The following CNOT2 variants were observed in gnomAD, a reference collection of about 807,000 sequenced individuals.
The protein encoded by CNOT2 is CCR4-NOT transcription complex subunit 2.
CNOT2 carries 7 observed loss-of-function variants against 72.1 expected under a neutral mutation model. The observed-to-expected ratio is 0.10, with a 90% CI of 0.06 to 0.18. The LOEUF (loss-of-function observed/expected upper bound fraction) is 0.18, where lower values mean the gene tolerates loss of function less well. Ranked by LOEUF, CNOT2 falls within the 10% of genes least tolerant of loss-of-function variation. The probability of loss-of-function intolerance (pLI) is 1.00; values close to 1 mark genes in which losing one functional copy is unlikely to be tolerated. For synonymous variants in CNOT2, 196 were observed against 225.6 expected (o/e 0.87, Z 1.17); for missense variants, 345 against 660.3 (o/e 0.52, Z 5.23).
At chr12:70,311,122 A>G in intron 3 of CNOT2, 105 bp downstream of exon 3, 1 of 771,226 alleles carries the variant, frequency 1.3e-6, no homozygotes, top group East Asian at 2.5e-5. Context: ...GTTGAGTGAC[A>G]ATCTTTTCAG....
intron 1 of CNOT2, among the ~76,000 whole-genome samples, chr12:70,270,548 G>A (rs1024157637): frequency 2.6e-5 from 4 of 151,842 alleles, no homozygotes; most frequent in Non-Finnish European, 5.9e-5. Flanking sequence ...TTTTTATAGG[G>A]CTTTTTAGTT....
Position 70,329,477 on chromosome 12 carries a change from G to T in CNOT2, c.293G>T (p.Arg98Leu), listed in dbSNP as rs149160972. Reference sequence around the variant, plus strand: ...AGCAACAATACCCCTCAGTTAAATCGCAGCTTATCACAAGGCACTCAGTTA... The same window carrying T: ...AGCAACAATACCCCTCAGTTAAATCTCAGCTTATCACAAGGCACTCAGTTA... The part of the protein sequence containing the change: ...GMSNNTPQLN[R>L]SLSQGTQLPS... Residue 98 changes from arginine to leucine, a missense_variant, in exon 5 of 16, where the codon CGC becomes CTC. This residue lies in a region of CNOT2 where 157 missense variants were observed against 235.3 expected (regional missense o/e 0.67). Transcript: ENST00000229195. 2 of 1,611,392 alleles carry T rather than the reference G, an allele frequency of 1.2e-6. No homozygotes were observed. Among genetic ancestry groups the T allele is most frequent in the East Asian group, 2.2e-5 (1 of 44,782 alleles).
intron 2 of CNOT2, among the ~76,000 whole-genome samples, chr12:70,284,152 G>C (rs926867668): frequency 1.1e-4 from 17 of 151,612 alleles, no homozygotes; most frequent in African/African-American, 3.9e-4. Flanking sequence ...CTCCATGTTG[G>C]TCAGGCTGGT....
intron 1 of CNOT2, among the ~76,000 whole-genome samples, chr12:70,270,411 A>G (rs1348973791): frequency 6.6e-6 from 1 of 152,102 alleles, no homozygotes; most frequent in African/African-American, 2.4e-5. Flanking sequence ...AACAACACAT[A>G]TTGAGGTTAA....
Position 70,346,235 on chromosome 12 carries a change from C to T in CNOT2, c.1447C>T (p.Pro483Ser). The change falls in exon 15 of 16, where the codon CCA becomes TCA. Residue 483 changes from proline (P) to serine (S), a missense_variant. Coordinates refer to ENST00000229195, the MANE Select transcript of CNOT2 (RefSeq NM_014515.7). ...AGAACGAGTATGGATTACCAGGGCA[C>T]CAGGCATGGAGCCAACAATGAAAAC... Reference protein sequence around the residue: ...KEERVWITRAPGMEPTMKTNT... With the variant: ...KEERVWITRASGMEPTMKTNT... The T allele has an allele frequency of 6.2e-7, 1 of 1,608,808 alleles. No individual in the cohort carries two copies. The highest frequency in any genetic ancestry group is 8.5e-7 in the Non-Finnish European group (1 of 1,175,380).
chr12:70,339,551 C>G (rs147381213), intron 11 of CNOT2, among the ~76,000 whole-genome samples: 140 of 152,220 alleles, frequency 9.2e-4, no homozygotes, highest in South Asian at 1.4e-3. Flanking sequence ...CTATTTCATT[C>G]CTGACCTGTG....
chr12:70,253,178 G>A (rs192861891), intron 1 of CNOT2, among the ~76,000 whole-genome samples: 56 of 152,260 alleles, frequency 3.7e-4, no homozygotes, highest in Non-Finnish European at 7.4e-5. Context: ...GTGTTAAGTG[G>A]GATAAATCTA....
chr12:70,304,346 G>T (rs556962054), intron 2 of CNOT2, among the ~76,000 whole-genome samples: 1 of 152,122 alleles, frequency 6.6e-6, no homozygotes, highest in Non-Finnish European at 1.5e-5. Context: ...TCTACCTTTG[G>T]TCTTTGATGA....
chr12:70,337,108 TAATA>T (rs1880808648), intron 8 of CNOT2: 1 of 208,274 alleles, frequency 4.8e-6, no homozygotes, highest in African/African-American at 2.3e-5. Context: ...CCAAAATTGT[TAATA>T]ATTAATCCAA....
intron 1 of CNOT2, among the ~76,000 whole-genome samples, chr12:70,271,992 A>G (rs570293811): frequency 2.0e-5 from 3 of 152,322 alleles, no homozygotes; most frequent in African/African-American, 7.2e-5. Context: ...TCAAGGGGGA[A>G]TAAATGTCCA....
chr12:70,257,110 A>G (rs1958493142), intron 1 of CNOT2, among the ~76,000 whole-genome samples: 1 of 152,202 alleles, frequency 6.6e-6, no homozygotes, highest in Admixed American at 6.5e-5. Flanking sequence ...ATTTCTTTAG[A>G]AGAAATTTCT....
At chr12:70,344,602 A>G (rs780797696) in intron 14 of CNOT2, 21 of 170,348 alleles carry the variant, frequency 1.2e-4, no homozygotes, top group Non-Finnish European at 2.0e-4. Flanking sequence ...GCACACATCT[A>G]TATAGTCCTA....
intron 1 of CNOT2, among the ~76,000 whole-genome samples, chr12:70,256,647 G>T (rs1278434280): frequency 1.3e-5 from 2 of 151,044 alleles, no homozygotes; most frequent in East Asian, 1.9e-4. Flanking sequence ...AGAAAGGTTG[G>T]TGAGAGAAGA....
At chr12:70,340,933 TCGCCCAGGC>T (rs1881418638) in intron 11 of CNOT2, among the ~76,000 whole-genome samples, 1 of 141,266 alleles carries the variant, frequency 7.1e-6, no homozygotes. Context: ...ATTGCTCTTG[TCGCCCAGGC>T]TGGAGTGCAG....
chr12:70,315,967 G>A (rs1020079583), intron 3 of CNOT2, among the ~76,000 whole-genome samples: 3 of 152,098 alleles, frequency 2.0e-5, no homozygotes, highest in Non-Finnish European at 4.4e-5. Flanking sequence ...CTATTAATGA[G>A]AGTTCTGCAA....
rs1328713194 is a variant in CNOT2 at position 70,345,086 on chromosome 12, G to A, written c.1391+858G>A. The A allele has an allele frequency of 2.6e-5, 4 of 152,066 alleles. No homozygotes were observed. The East Asian group carries it at 7.7e-4, about 29-fold the overall frequency. 9.4% of individuals were successfully genotyped at this position (152,066 alleles called of 1,614,324 possible). ...TATTTACCTGATGCTCTAAAATTAA[G>A]TTTTCTGTCGTTACTCAAATGTACA... is the stretch of plus-strand genomic sequence containing the variant. On this transcript the variant is annotated intron_variant, in intron 14 of 15. Transcript: ENST00000229195.
chr12:70,324,752 A>G (rs1565813265), intron 4 of CNOT2, among the ~76,000 whole-genome samples: 1 of 151,860 alleles, frequency 6.6e-6, no homozygotes, highest in South Asian at 2.1e-4. Flanking sequence ...CTTGTCTTAT[A>G]CATTCTTAGC....
chr12:70,293,428 G>A (rs1418115896), intron 2 of CNOT2, among the ~76,000 whole-genome samples: 1 of 151,950 alleles, frequency 6.6e-6, no homozygotes, highest in African/African-American at 2.4e-5. Flanking sequence ...CAAAGTGCTG[G>A]GATTACAGGC....
At chr12:70,297,749 C>A in intron 2 of CNOT2, 1 of 369,652 alleles carries the variant, frequency 2.7e-6, no homozygotes. Flanking sequence ...TTTTTGTTTT[C>A]ATTTTTGAGA....
Sources: allele counts gnomAD v4.1 joint callset (sites outside exome capture counted in the v4.1 genomes callset), GRCh38; gene constraint gnomAD v4.1.1; regional missense constraint gnomAD v4.1.1; transcripts MANE v1.5; gene names NCBI Gene and HGNC (gene_info 2026-07-23, HGNC 2026-07-21).